The following RIMS1 variants were observed in gnomAD, a reference collection of about 807,000 sequenced individuals.
The protein encoded by RIMS1 is regulating synaptic membrane exocytosis protein 1.
RIMS1 carries 83 observed loss-of-function variants against 214.1 expected under a neutral mutation model. That is an observed-to-expected ratio of 0.39 (90% CI 0.32 to 0.47). The LOEUF is 0.47. RIMS1 is among the 20% of genes least tolerant of loss of function. RIMS1 has a pLI of 0.99. For synonymous variants in RIMS1, 793 were observed against 786.8 expected, an observed-to-expected ratio of 1.01 and a Z score of -0.13; for missense variants, 2,050 against 2,161.8, an observed-to-expected ratio of 0.95 and a Z score of 1.03.
At chr6:72,334,393 T>C (rs192345927) in intron 29 of RIMS1, among the ~76,000 whole-genome samples, 1 of 152,028 alleles carries the variant, frequency 6.6e-6, no homozygotes, top group Non-Finnish European at 1.5e-5. Context: ...AATACAAATA[T>C]GTGTTTCAGA....
At chr6:72,169,505 GA>G (rs1243507461) in intron 4 of RIMS1, among the ~76,000 whole-genome samples, 1 of 151,848 alleles carries the variant, frequency 6.6e-6, no homozygotes, top group Non-Finnish European at 1.5e-5. Flanking sequence ...ATAGGAAAAA[GA>G]CCAGAAAAGA....
chr6:72,216,800 T>G (rs1413891452), intron 6 of RIMS1: 51 of 991,230 alleles, frequency 5.1e-5, no homozygotes, highest in Non-Finnish European at 5.9e-5. Context: ...CTCTCTGGCT[T>G]CAGGAAGGTA....
Position 72,265,970 on chromosome 6 carries a change from C to T in RIMS1, c.3319C>T (p.Pro1107Ser). ...TDEILVSELQ[P>S]FLDRARSAST... The stretch of plus-strand genomic sequence containing the variant: ...ATGCACTGGCACTAGTGAACTGCAG[C>T]CCTTTCTTGACAGGGCTAGGAGTGC... Residue 1107 changes from proline to serine, a missense_variant, in exon 22 of 34, where the codon CCC becomes TCC. Pro to Ser is a moderately conservative substitution (Grantham distance 74). Around this residue, in one of 6 missense-constraint regions of RIMS1, gnomAD observed 889 missense variants for 885.5 expected, o/e 1.00. Coordinates refer to ENST00000521978, the MANE Select transcript of RIMS1 (RefSeq NM_014989.7). 6.4e-7 allele frequency: 1 copy of T among 1,571,718 alleles called. No individual in the cohort carries two copies. Among genetic ancestry groups the T allele is most frequent in the Non-Finnish European group, 8.6e-7 (1 of 1,156,928 alleles).
chr6:71,961,608 A>G (rs542656517), intron 1 of RIMS1, among the ~76,000 whole-genome samples: 1 of 151,990 alleles, frequency 6.6e-6, no homozygotes, highest in Admixed American at 6.6e-5. Context: ...CTTGAGCTTC[A>G]CCTCTTTCTC....
chr6:72,059,841 C>A (rs1439748146), intron 2 of RIMS1, among the ~76,000 whole-genome samples: 3 of 152,134 alleles, frequency 2.0e-5, no homozygotes, highest in Admixed American at 2.0e-4. Context: ...TCTGGATTTG[C>A]AGTTTTTCTG....
At chr6:72,006,246 T>C (rs1478746442) in intron 2 of RIMS1, among the ~76,000 whole-genome samples, 1 of 152,178 alleles carries the variant, frequency 6.6e-6, no homozygotes, top group African/African-American at 2.4e-5. Flanking sequence ...TTTCAACATA[T>C]GAATGTTGCA....
intron 1 of RIMS1, among the ~76,000 whole-genome samples, chr6:71,957,374 T>G (rs1791597106): frequency 1.3e-5 from 2 of 152,180 alleles, no homozygotes; most frequent in Admixed American, 1.3e-4. Flanking sequence ...CAGATTTCAG[T>G]AAACATTTTT....
chr6:71,894,186 C>G (rs986838528), intron 1 of RIMS1, among the ~76,000 whole-genome samples: 1 of 152,160 alleles, frequency 6.6e-6, no homozygotes, highest in Non-Finnish European at 1.5e-5. Context: ...GGCTCACTCC[C>G]GTAATCCCAA....
chr6:72,078,592 A>G (rs1239031547), intron 2 of RIMS1, among the ~76,000 whole-genome samples: 1 of 152,142 alleles, frequency 6.6e-6, no homozygotes, highest in Non-Finnish European at 1.5e-5. Flanking sequence ...ACAGGTTGCT[A>G]TACCAAACCT....
At chr6:72,290,919 G>A (rs2093296703) in intron 25 of RIMS1, 58 bp downstream of exon 25, 3 of 1,521,228 alleles carry the variant, frequency 2.0e-6, no homozygotes, top group South Asian at 1.2e-5. Context: ...TTGGTGTGGT[G>A]TTGTACCTTC....
chr6:72,003,211 C>A (rs923690512), intron 2 of RIMS1, among the ~76,000 whole-genome samples: 2 of 152,154 alleles, frequency 1.3e-5, no homozygotes, highest in African/African-American at 4.8e-5. Flanking sequence ...GCTTAGAGAT[C>A]TCTTCATTGT....
chr6:71,967,614 A>G (rs1224809507), intron 1 of RIMS1, among the ~76,000 whole-genome samples: 1 of 152,204 alleles, frequency 6.6e-6, no homozygotes, highest in African/African-American at 2.4e-5. Context: ...CACCGGGGAA[A>G]GAACACAAGG....
At chr6:72,139,766 G>T (rs2041859271) in intron 4 of RIMS1, among the ~76,000 whole-genome samples, 1 of 151,756 alleles carries the variant, frequency 6.6e-6, no homozygotes, top group East Asian at 1.9e-4. Context: ...TGTGTACATT[G>T]TTGTTTTATT....
chr6:72,010,755 G>A (rs1475095990), intron 2 of RIMS1, among the ~76,000 whole-genome samples: 4 of 151,972 alleles, frequency 2.6e-5, no homozygotes, highest in Non-Finnish European at 5.9e-5. Context: ...AAAATACCTA[G>A]GAATCCAACT....
chr6:71,995,265 C>T (rs139857161), intron 2 of RIMS1, among the ~76,000 whole-genome samples: 49 of 152,240 alleles, frequency 3.2e-4, no homozygotes, highest in African/African-American at 1.2e-3. Flanking sequence ...TTAGAAATGA[C>T]TGTTTCCAAA....
Position 72,274,443 on chromosome 6 carries a change from A to G in RIMS1, c.3482+11A>G, listed in dbSNP as rs1382058032. On this transcript the variant is annotated intron_variant, in intron 23 of 33. Coordinates refer to ENST00000521978, the MANE Select transcript of RIMS1 (RefSeq NM_014989.7). ...TCCGGAGAATGACAGGTACTAGTCAACTCCTCCTCACAGACAAGTGGCTTC... is the reference window on the plus strand; with the variant it reads ...TCCGGAGAATGACAGGTACTAGTCAGCTCCTCCTCACAGACAAGTGGCTTC... 1.2e-6 allele frequency: 2 copies of G among 1,601,692 alleles called. No individual in the cohort carries two copies. The highest frequency in any genetic ancestry group is 2.7e-5 in the African/African-American group (2 of 74,634).
At chr6:72,128,460 C>T (rs909402450) in intron 4 of RIMS1, among the ~76,000 whole-genome samples, 3 of 151,984 alleles carry the variant, frequency 2.0e-5, no homozygotes, top group African/African-American at 4.8e-5. Flanking sequence ...CCTTACAGAG[C>T]TTCCCTATAC....
At chr6:72,344,105 A>G (rs989605617) in intron 29 of RIMS1, among the ~76,000 whole-genome samples, 6 of 151,712 alleles carry the variant, frequency 4.0e-5, no homozygotes, top group Non-Finnish European at 8.8e-5. Context: ...CCTTCTGTTA[A>G]TTTTTTCCAG....
At chr6:72,369,468 G>A (rs1449506948) in intron 29 of RIMS1, among the ~76,000 whole-genome samples, 1 of 152,118 alleles carries the variant, frequency 6.6e-6, no homozygotes, top group Non-Finnish European at 1.5e-5. Context: ...TGTGAGAAGT[G>A]GCTAGGCAAG....
Sources: allele counts gnomAD v4.1 joint callset (sites outside exome capture counted in the v4.1 genomes callset), GRCh38; gene constraint gnomAD v4.1.1; regional missense constraint gnomAD v4.1.1; transcripts MANE v1.5; gene names NCBI Gene and HGNC (gene_info 2026-07-23, HGNC 2026-07-21).